Variants in SND1 observed in about 807,000 individuals in gnomAD.
SND1 encodes staphylococcal nuclease domain-containing protein 1.
SND1 carries 38 observed loss-of-function variants against 121.7 expected under a neutral mutation model. The observed-to-expected ratio is 0.31, with a 90% CI of 0.24 to 0.41. SND1 has a LOEUF of 0.41. SND1 is among the 10% of genes least tolerant of loss of function. The pLI is 1.00. For synonymous variants in SND1, 401 were observed against 447.4 expected, an observed-to-expected ratio of 0.90 and a Z score of 1.31; for missense variants, 868 against 1,184.6, an observed-to-expected ratio of 0.73 and a Z score of 3.92.
intron 15 of SND1, among the ~76,000 whole-genome samples, chr7:127,947,091 G>A (rs1011848247): frequency 2.0e-5 from 3 of 152,196 alleles, no homozygotes; most frequent in African/African-American, 7.2e-5. Context: ...GTTTTCCAGG[G>A]AAACTTCTGC....
intron 15 of SND1, 115 bp from the exon 16 acceptor site, chr7:127,990,832 G>A (rs1453175520): frequency 3.0e-6 from 2 of 666,934 alleles, no homozygotes; most frequent in Admixed American, 5.4e-5. Flanking sequence ...AGATAGAATG[G>A]ATGGAAGTTA....
chr7:127,926,785 G>A (rs984257036), intron 14 of SND1, among the ~76,000 whole-genome samples: 1 of 150,964 alleles, frequency 6.6e-6, no homozygotes, highest in Non-Finnish European at 1.5e-5. Flanking sequence ...TAGAGACGGG[G>A]TTTCACCGTG....
At chr7:128,021,842 G>C (rs1261495131) in intron 16 of SND1, among the ~76,000 whole-genome samples, 2 of 152,186 alleles carry the variant, frequency 1.3e-5, no homozygotes, top group African/African-American at 4.8e-5. Flanking sequence ...CTCAAATGGG[G>C]AATATGGGAC....
At chr7:127,918,346 G>A (rs925008507) in intron 14 of SND1, among the ~76,000 whole-genome samples, 9 of 151,984 alleles carry the variant, frequency 5.9e-5, no homozygotes, top group East Asian at 1.9e-4. Context: ...GATTACAGGC[G>A]TGAGTCACCG....
At chr7:127,756,557 C>G (rs1797199861) in intron 10 of SND1, among the ~76,000 whole-genome samples, 1 of 152,214 alleles carries the variant, frequency 6.6e-6, no homozygotes, top group Non-Finnish European at 1.5e-5. Context: ...TTCCACTGTC[C>G]TTAACTCTGC....
chr7:128,028,351 G>A (rs527353000), intron 16 of SND1: 1 of 237,188 alleles, frequency 4.2e-6, no homozygotes, highest in East Asian at 1.0e-4. Flanking sequence ...CCTCTTTAAG[G>A]ATGTTTGTTG....
intron 12 of SND1, among the ~76,000 whole-genome samples, chr7:127,846,092 C>T (rs887457630): frequency 5.3e-5 from 8 of 152,122 alleles, no homozygotes; most frequent in Non-Finnish European, 1.0e-4. Flanking sequence ...ATTCTTGAGT[C>T]CTTGTAAGAA....
chr7:128,079,567 G>A (rs1793562888), intron 17 of SND1, among the ~76,000 whole-genome samples: 1 of 152,382 alleles, frequency 6.6e-6, no homozygotes, highest in East Asian at 1.9e-4. Context: ...ACTGCTTGAT[G>A]TAGGATGGTG....
At chr7:127,673,301 G>C (rs1456759499) in intron 1 of SND1, among the ~76,000 whole-genome samples, 1 of 150,434 alleles carries the variant, frequency 6.6e-6, no homozygotes, top group Non-Finnish European at 1.5e-5. Flanking sequence ...TTTTGAGATT[G>C]TACAAATATC....
intron 15 of SND1, among the ~76,000 whole-genome samples, chr7:127,986,592 CTTTTG>C (rs763124838): frequency 5.0e-4 from 76 of 152,252 alleles, no homozygotes; most frequent in Admixed American, 2.0e-3. Flanking sequence ...ATTTTATTTC[CTTTTG>C]TTTTGTTTTG....
intron 16 of SND1, among the ~76,000 whole-genome samples, chr7:128,065,975 T>C (rs1241287471): frequency 2.0e-5 from 3 of 152,180 alleles, no homozygotes; most frequent in African/African-American, 4.8e-5. Flanking sequence ...CCCTCCAGCT[T>C]CCAGCACGGG....
chr7:128,046,763 G>A (rs1158914670), intron 16 of SND1, among the ~76,000 whole-genome samples: 1 of 152,126 alleles, frequency 6.6e-6, no homozygotes. Context: ...CCTAGCGTGT[G>A]TCTTTATTTG....
At position 128,085,803 on chromosome 7, in the gene SND1, T is replaced by G; in HGVS notation, c.2304+23T>G. 5 of 1,601,296 alleles carry G rather than the reference T, an allele frequency of 3.1e-6. No homozygotes were observed. Among genetic ancestry groups the G allele is most frequent in the Non-Finnish European group, 4.3e-6 (5 of 1,168,578 alleles). On this transcript the variant is annotated intron_variant, in intron 20 of 23. Transcript: ENST00000354725. This position sits in a 1 kb window ranked among gnomAD's most constrained non-coding sequence, Gnocchi z 4.4. ...AACGTGAGTGTTGGGGACCAGAGTG[T>G]TGGAGGGGCTATCAAACACAGCAGC...
chr7:127,671,470 C>T (rs1795516586), intron 1 of SND1, among the ~76,000 whole-genome samples: 2 of 152,120 alleles, frequency 1.3e-5, no homozygotes, highest in South Asian at 4.1e-4. Context: ...CAATACCTGA[C>T]CTTGTTCTAT....
chr7:128,084,613 G>GC (rs2117064269), intron 18 of SND1, 111 bp from the exon 19 acceptor site: 6 of 1,193,042 alleles, frequency 5.0e-6, no homozygotes, highest in East Asian at 2.7e-5. Context: ...GTGCTGCAGT[G>GC]CCCCCCAGAA....
At chr7:127,691,389 A>G (rs1795911487) in intron 2 of SND1, among the ~76,000 whole-genome samples, 1 of 151,578 alleles carries the variant, frequency 6.6e-6, no homozygotes, top group Non-Finnish European at 1.5e-5. Context: ...AAAAATACAA[A>G]AAAAATTAAC....
intron 10 of SND1, among the ~76,000 whole-genome samples, chr7:127,737,863 G>A (rs987418766): frequency 5.3e-5 from 8 of 152,136 alleles, no homozygotes; most frequent in South Asian, 4.1e-4. Context: ...CCTAGAGTCC[G>A]CATCTCAAAT....
At chr7:128,063,928 G>C (rs1793271692) in intron 16 of SND1, among the ~76,000 whole-genome samples, 2 of 152,248 alleles carry the variant, frequency 1.3e-5, no homozygotes, top group Non-Finnish European at 2.9e-5. Context: ...CAGGACTTGA[G>C]AGCAGGAAGA....
chr7:127,915,818 G>A (rs947821767), intron 14 of SND1, among the ~76,000 whole-genome samples: 3 of 152,196 alleles, frequency 2.0e-5, no homozygotes, highest in Non-Finnish European at 2.9e-5. Context: ...GTCCTGAGGT[G>A]GAAGATTGTT....
Sources: allele counts gnomAD v4.1 joint callset (sites outside exome capture counted in the v4.1 genomes callset), GRCh38; gene constraint gnomAD v4.1.1; non-coding constraint Gnocchi (gnomAD v3.1); transcripts MANE v1.5; gene names NCBI Gene and HGNC (gene_info 2026-07-23, HGNC 2026-07-21).